The following ICOSLG variants were observed in gnomAD, a reference collection of about 807,000 sequenced individuals.
The protein encoded by ICOSLG is ICOS ligand.
For missense variants in ICOSLG, 35 were observed against 158.4 expected (o/e 0.22, Z 4.18); for synonymous variants, 15 against 64.2 (o/e 0.23, Z 3.66).
rs2040021020 is a variant in ICOSLG at position 44,230,235 on chromosome 21, C to T, written c.863-146G>A. 4 of 301,486 alleles carry T rather than the reference C, an allele frequency of 1.3e-5. 1 individual carries two copies. Among genetic ancestry groups the T allele is most frequent in the Non-Finnish European group, 2.1e-5 (4 of 190,352 alleles). The allele number at this position is 301,486 out of a possible 1,614,324, so 18.7% of individuals were successfully genotyped here. ...CAGCTCCAGGCGGGGAAAACACTCACAGATGAGGGGCTCCCCAGGCCACGT... is the reference window on the plus strand; with the variant it reads ...CAGCTCCAGGCGGGGAAAACACTCATAGATGAGGGGCTCCCCAGGCCACGT... On this transcript the variant is annotated intron_variant, in intron 5 of 5. Coordinates refer to ENST00000400379, the Ensembl canonical transcript of ICOSLG.
In ICOSLG at chr21:44,230,258, C is replaced by T. The variant is rs1009290564; in HGVS notation, c.863-169G>A. On this transcript the variant is annotated intron_variant, in intron 5 of 5. Transcript: ENST00000400379. Reference sequence around the variant, plus strand: ...CACAGATGAGGGGCTCCCCAGGCCACGTGGCTTTTGAGAAAGATCCTCTTA... The same window carrying T: ...CACAGATGAGGGGCTCCCCAGGCCATGTGGCTTTTGAGAAAGATCCTCTTA... Among the ~76,000 whole-genome samples, 5 of 61,914 alleles carry T rather than the reference C, an allele frequency of 8.1e-5. 1 individual carries two copies. The highest frequency in any genetic ancestry group is 3.3e-4 in the East Asian group (1 of 3,046). 40.6% of individuals were successfully genotyped at this position (61,914 alleles called of 152,430 possible). A position where few individuals can be genotyped will look rare whatever the true frequency, so the allele number is the denominator to read the frequency against.
chr21:44,229,721 G>A lies in ICOSLG; in HGVS notation c.1231C>T (p.Pro411Ser), dbSNP rs756203898. The A allele has an allele frequency of 3.7e-5, 38 of 1,031,020 alleles. 6 individuals are homozygous for A. The highest frequency in any genetic ancestry group is 4.0e-5 in the Non-Finnish European group (30 of 750,118). The allele number at this position is 1,031,020 out of a possible 1,614,324, so 63.9% of individuals were successfully genotyped here. Residue 411 changes from proline (P) to serine (S), a missense_variant, in exon 6 of 6, where the codon CCA (proline) becomes TCA (serine). Pro to Ser is a moderately conservative substitution (Grantham distance 74, BLOSUM62 -1). Coordinates refer to ENST00000400379, the Ensembl canonical transcript of ICOSLG. The stretch of plus-strand genomic sequence containing the variant: ...CACTCCGGACACCCCATGGGGGCTG[G>A]GCGCCGGTGCCTGGACCCGCCCTGG...
rs71730764 is a variant in ICOSLG at position 44,231,739 on chromosome 21, AT to A, written c.698-296del. On this transcript the variant is annotated intron_variant, in intron 4 of 5. Transcript: ENST00000400379. ...GGTGGGAAGCACAGGTTCTTACTGGATTTTTTTTTTCTTTTTTTTTGAGGCA... is the reference window on the plus strand; with the variant it reads ...GGTGGGAAGCACAGGTTCTTACTGGATTTTTTTTTCTTTTTTTTTGAGGCA... Among the ~76,000 whole-genome samples the A allele has an allele frequency of 5.9e-4, 5 of 8,470 alleles. 1 individual carries two copies. Among genetic ancestry groups the A allele is most frequent in the East Asian group, 3.1e-3 (1 of 326 alleles). 5.6% of individuals were successfully genotyped at this position (8,470 alleles called of 152,430 possible).
At position 44,232,797 on chromosome 21, in the gene ICOSLG, CT is replaced by C. The variant is rs1184106729; in HGVS notation, c.698-1354del. On this transcript the variant is annotated intron_variant, in intron 4 of 5. Coordinates refer to ENST00000400379, the Ensembl canonical transcript of ICOSLG. ...AGTGTAGTGGTGCGGTCTCGGCTCA[CT>C]GCAGCCTCCGCCTCCCAGGTTCCAG... 4.9e-5 allele frequency among the ~76,000 whole-genome samples: 4 copies of C among 82,172 alleles called. 2 individuals are homozygous for C. Among genetic ancestry groups the C allele is most frequent in the Non-Finnish European group, 9.9e-5 (4 of 40,348 alleles). The allele number at this position is 82,172 out of a possible 152,430, so 53.9% of individuals were successfully genotyped here. A position where few individuals can be genotyped will look rare whatever the true frequency, so the allele number is the denominator to read the frequency against.
At position 44,230,042 on chromosome 21, in the gene ICOSLG, C is replaced by T. The variant is rs368832905; in HGVS notation, c.910G>A (p.Val304Met). The change falls in exon 6 of 6, where the codon GTG (valine) becomes ATG (methionine). Residue 304 changes from valine (V) to methionine (M), a missense_variant. Coordinates refer to ENST00000400379, the Ensembl canonical transcript of ICOSLG. ...GCCCCCCAGAACCTGCTGCTTCCCACGGCAAACTCACCAGTGAGCTCTGTC... is the reference window on the plus strand; with the variant it reads ...GCCCCCCAGAACCTGCTGCTTCCCATGGCAAACTCACCAGTGAGCTCTGTC... The T allele has an allele frequency of 5.0e-5, 40 of 803,896 alleles. 9 individuals are homozygous for T. In the African/African-American group the frequency reaches 6.2e-4, roughly 13 times the overall value. 49.8% of individuals were successfully genotyped at this position (803,896 alleles called of 1,614,324 possible).
chr21:44,225,273 C>T (rs116314744), downstream of ICOSLG: 2 of 30,336 alleles, frequency 6.6e-5, 1 homozygote, highest in Non-Finnish European at 1.2e-4. Context: ...AGGTTAACGC[C>T]GCCAAACCAA....
At chr21:44,225,106 C>G (rs572110239), downstream of ICOSLG, 5 of 61,774 alleles carry the variant, frequency 8.1e-5, 1 homozygote, top group African/African-American at 4.2e-4. Context: ...GACCCCAGCC[C>G]AGCCCGAGAA....
In ICOSLG at chr21:44,231,497, C is replaced by CT. The variant is rs11293422; in HGVS notation, c.698-54dup. On this transcript the variant is annotated intron_variant, in intron 4 of 5. Transcript: ENST00000400379. Reference sequence around the variant, plus strand: ...TTAAAGGATCTTAGAGGAAAAGGGTCTTTTTTTTCATCCTTGAGTAGAAAG... The same window carrying CT: ...TTAAAGGATCTTAGAGGAAAAGGGTCTTTTTTTTTCATCCTTGAGTAGAAAG... 13 of 66,852 alleles carry CT rather than the reference C, an allele frequency of 1.9e-4. 4 individuals are homozygous for CT. In the East Asian group the frequency reaches 5.5e-3, roughly 28 times the overall value. 4.1% of individuals were successfully genotyped at this position (66,852 alleles called of 1,614,324 possible). A position where few individuals can be genotyped will look rare whatever the true frequency, so the allele number is the denominator to read the frequency against.
downstream of ICOSLG, chr21:44,224,318 G>A (rs1170178885): frequency 1.2e-4 from 4 of 33,842 alleles, 2 homozygotes; most frequent in Non-Finnish European, 2.1e-4. Flanking sequence ...CACCGCACCC[G>A]GCCTGTTTAT....
At chr21:44,229,447 C>T in exon 6 of ICOSLG, 1 of 335,800 alleles carries the variant, frequency 3.0e-6, no homozygotes, top group Non-Finnish European at 4.3e-6. Context: ...CCTGCGAAGC[C>T]CAGCGCCCCT....
Position 44,229,868 on chromosome 21 carries a change from T to C in ICOSLG, c.1084A>G (p.Met362Val), listed in dbSNP as rs1247466833. 3.5e-6 allele frequency: 3 copies of C among 851,034 alleles called. 1 individual carries two copies. In the African/African-American group the frequency reaches 7.3e-5, roughly 21 times the overall value. The allele number at this position is 851,034 out of a possible 1,614,324, so 52.7% of individuals were successfully genotyped here. Residue 362 changes from methionine (M) to valine (V), a missense_variant, in exon 6 of 6, where the codon ATG becomes GTG. Met to Val is a conservative substitution (Grantham distance 21). Coordinates refer to ENST00000400379, the Ensembl canonical transcript of ICOSLG. ...AAGTGCACACCAGGATGCCATCCCA[T>C]GCCAAGGGGAGGCTGCAGGAAATGC...
In ICOSLG at chr21:44,227,961, AC is replaced by A. The variant is rs573913488; in HGVS notation, c.*1568del. 437 of 466,142 alleles carry A rather than the reference AC, an allele frequency of 9.4e-4. 179 individuals are homozygous for A. The highest frequency in any genetic ancestry group is 1.6e-3 in the Admixed American group (12 of 7,308). The allele number at this position is 466,142 out of a possible 1,614,324, so 28.9% of individuals were successfully genotyped here. On this transcript the variant is annotated 3_prime_UTR_variant, in exon 6 of 6. Coordinates refer to ENST00000400379, the Ensembl canonical transcript of ICOSLG. ...GGGCTGTACCCCTCAGCACTGGACC[AC>A]CCCGTCTCCTGCCCCCTTGGGACTG...
At chr21:44,224,383 G>T (rs1440599556), downstream of ICOSLG, 1 of 53,132 alleles carries the variant, frequency 1.9e-5, no homozygotes, top group East Asian at 4.0e-4. Flanking sequence ...AAAAATAAAA[G>T]AAAAAGAAAA....
rs2040073354 is a variant in ICOSLG, at chr21:44,232,842, C to T, written c.698-1398G>A. 2.9e-5 allele frequency among the ~76,000 whole-genome samples: 2 copies of T among 67,972 alleles called. 1 individual carries two copies. Among genetic ancestry groups the T allele is most frequent in the Non-Finnish European group, 6.0e-5 (2 of 33,484 alleles). The allele number at this position is 67,972 out of a possible 152,430, so 44.6% of individuals were successfully genotyped here. A position where few individuals can be genotyped will look rare whatever the true frequency, so the allele number is the denominator to read the frequency against. Reference sequence around the variant, plus strand: ...GTTCCAGCAATTCTCCTGCCTCAGCCTCCCGGGTAGCTGGGATTACAGGCA... The same window carrying T: ...GTTCCAGCAATTCTCCTGCCTCAGCTTCCCGGGTAGCTGGGATTACAGGCA... On this transcript the variant is annotated intron_variant, in intron 4 of 5. Coordinates refer to ENST00000400379, the Ensembl canonical transcript of ICOSLG.
At chr21:44,224,521 T>C (rs2039942135), downstream of ICOSLG, 1 of 56,610 alleles carries the variant, frequency 1.8e-5, no homozygotes, top group East Asian at 3.8e-4. Flanking sequence ...CTGACCAACA[T>C]GGTGAAACCC....
exon 6 of ICOSLG, chr21:44,228,095 G>T (rs2039986370): frequency 3.1e-5 from 1 of 32,416 alleles, no homozygotes; most frequent in Admixed American, 7.1e-4. Context: ...GGCCGGGGGA[G>T]CCACCTCTCA....
chr21:44,224,420 G>A (rs539723470), downstream of ICOSLG: 2 of 52,268 alleles, frequency 3.8e-5, 1 homozygote, highest in Admixed American at 3.7e-4. Context: ...GAAGTGTCTG[G>A]TAGCCAGGTG....
At chr21:44,231,101 T>TC (rs922074292) in intron 5 of ICOSLG, among the ~76,000 whole-genome samples, 179 bp downstream of exon 5, 2 of 33,244 alleles carry the variant, frequency 6.0e-5, no homozygotes, top group Admixed American at 4.0e-4. Context: ...GATCTCCTGA[T>TC]CTCGTGATCC....
At chr21:44,227,828 T>G (rs1356757806) in exon 6 of ICOSLG, 1 of 142,102 alleles carries the variant, frequency 7.0e-6, no homozygotes, top group East Asian at 3.3e-4. Flanking sequence ...CTGGGGCGAG[T>G]GCACCTCGGG....
Sources: allele counts gnomAD v4.1 joint callset (sites outside exome capture counted in the v4.1 genomes callset), GRCh38; gene constraint gnomAD v4.1.1; transcripts MANE v1.5; gene names NCBI Gene and HGNC (gene_info 2026-07-23, HGNC 2026-07-21).